FBXL7: variants seen among roughly 807,000 people sequenced by gnomAD.
The protein encoded by FBXL7 is F-box/LRR-repeat protein 7.
Under a neutral mutation model 38.3 loss-of-function variants are expected in FBXL7, and 12 were observed. That is an observed-to-expected ratio of 0.31 (90% confidence interval 0.20 to 0.51). The LOEUF is 0.51. Ranked by LOEUF, FBXL7 falls within the 20% of genes least tolerant of loss-of-function variation. The pLI, the probability that FBXL7 is intolerant of heterozygous loss-of-function variation, is 0.98. For missense variants in FBXL7, 567 were observed against 676.4 expected (o/e 0.84, Z 1.79); for synonymous variants, 297 against 300.9 (o/e 0.99, Z 0.13).
intron 2 of FBXL7, among the ~76,000 whole-genome samples, chr5:15,813,896 A>C (rs967016949): frequency 3.3e-5 from 5 of 152,234 alleles, no homozygotes; most frequent in African/African-American, 4.8e-5. Context: ...CACACCAGTT[A>C]GAATGGCAAT....
intron 1 of FBXL7, among the ~76,000 whole-genome samples, chr5:15,530,771 G>A (rs947447144): frequency 4.6e-5 from 7 of 152,186 alleles, no homozygotes; most frequent in Non-Finnish European, 1.0e-4. Context: ...ACAATGATGT[G>A]TGACAACATG....
At chr5:15,888,251 G>A (rs978281514) in intron 2 of FBXL7, among the ~76,000 whole-genome samples, 1 of 147,284 alleles carries the variant, frequency 6.8e-6, no homozygotes, top group African/African-American at 2.5e-5. Context: ...TTTTTGAGAT[G>A]GAGTTTCGCT....
intron 1 of FBXL7, among the ~76,000 whole-genome samples, chr5:15,541,669 C>T (rs1386828719): frequency 1.3e-5 from 2 of 150,412 alleles, no homozygotes; most frequent in Admixed American, 1.3e-4. Flanking sequence ...CTCAGCCTCC[C>T]AAGTAGCTGG....
chr5:15,740,546 A>G (rs1317864441), intron 2 of FBXL7, among the ~76,000 whole-genome samples: 8 of 152,216 alleles, frequency 5.3e-5, no homozygotes, highest in African/African-American at 9.6e-5. Flanking sequence ...ATTTGATGCA[A>G]CTGGCTCCTT....
At chr5:15,680,971 T>A (rs1742827271) in intron 2 of FBXL7, among the ~76,000 whole-genome samples, 2 of 152,152 alleles carry the variant, frequency 1.3e-5, no homozygotes, top group Admixed American at 1.3e-4. Context: ...AATTACAAAA[T>A]GATGACTATC....
chr5:15,603,386 T>C (rs796208246), intron 1 of FBXL7, among the ~76,000 whole-genome samples: 28 of 152,376 alleles, frequency 1.8e-4, no homozygotes, highest in African/African-American at 6.7e-4. Context: ...TCATTTTTTT[T>C]CTCATGATAC....
At chr5:15,829,168 T>C (rs1466376036) in intron 2 of FBXL7, among the ~76,000 whole-genome samples, 1 of 152,192 alleles carries the variant, frequency 6.6e-6, no homozygotes, top group African/African-American at 2.4e-5. Flanking sequence ...TCTTATTTAA[T>C]AGTGACCCTG....
Position 15,651,540 on chromosome 5 carries a change from A to G in FBXL7, c.127+35468A>G, listed in dbSNP as rs926964381. Reference sequence around the variant, plus strand: ...CTCTTGGATGACCAGATGCATTGTCAGTGAACGGTAATATTTTCAAAGGAA... The same window carrying G: ...CTCTTGGATGACCAGATGCATTGTCGGTGAACGGTAATATTTTCAAAGGAA... On this transcript the variant is annotated intron_variant, in intron 2 of 3. Coordinates refer to ENST00000504595, the MANE Select transcript of FBXL7 (RefSeq NM_012304.5). Among the ~76,000 whole-genome samples the G allele has an allele frequency of 3.3e-5, 5 of 152,372 alleles. No individual in the cohort carries two copies. In the South Asian group the frequency reaches 6.2e-4, roughly 19 times the overall value.
At chr5:15,807,779 T>G (rs1000706794) in intron 2 of FBXL7, among the ~76,000 whole-genome samples, 2 of 152,072 alleles carry the variant, frequency 1.3e-5, no homozygotes, top group Admixed American at 6.5e-5. Flanking sequence ...CTTCTTCTAA[T>G]CGCAAATTAC....
At chr5:15,722,817 G>A (rs1011119577) in intron 2 of FBXL7, among the ~76,000 whole-genome samples, 1 of 151,966 alleles carries the variant, frequency 6.6e-6, no homozygotes, top group Non-Finnish European at 1.5e-5. Context: ...CAGCTACTCG[G>A]AAGGCTGAGG....
chr5:15,674,084 A>G (rs953691971), intron 2 of FBXL7, among the ~76,000 whole-genome samples: 4 of 152,184 alleles, frequency 2.6e-5, no homozygotes, highest in African/African-American at 9.7e-5. Flanking sequence ...ACTACTTACC[A>G]TGTGGTATCA....
At chr5:15,717,683 T>G (rs1744080544) in intron 2 of FBXL7, among the ~76,000 whole-genome samples, 1 of 152,198 alleles carries the variant, frequency 6.6e-6, no homozygotes, top group Admixed American at 6.5e-5. Context: ...AAAACATTGC[T>G]GTGTTGTATA....
intron 1 of FBXL7, among the ~76,000 whole-genome samples, chr5:15,502,381 T>C (rs1736520069): frequency 6.6e-6 from 1 of 151,848 alleles, no homozygotes; most frequent in Non-Finnish European, 1.5e-5. Flanking sequence ...TTTTCAACCC[T>C]TGGGAGAGAA....
At chr5:15,686,295 T>C (rs942430909) in intron 2 of FBXL7, among the ~76,000 whole-genome samples, 2 of 152,216 alleles carry the variant, frequency 1.3e-5, no homozygotes, top group African/African-American at 4.8e-5. Flanking sequence ...AATAAATTTA[T>C]CTTTTTGTTT....
intron 2 of FBXL7, among the ~76,000 whole-genome samples, chr5:15,788,651 A>G (rs58804518): frequency 0.065 from 9,697 of 149,652 alleles, 329 homozygotes; most frequent in East Asian, 0.1. Flanking sequence ...TCTGTACGTC[A>G]CTCACTCCAA....
intron 2 of FBXL7, among the ~76,000 whole-genome samples, chr5:15,751,763 G>A (rs12515445): frequency 0.054 from 8,177 of 152,228 alleles, 240 homozygotes; most frequent in East Asian, 0.1. Context: ...ATGCATTTGC[G>A]TTTGGTGTTT....
intron 2 of FBXL7, among the ~76,000 whole-genome samples, chr5:15,866,496 AT>A (rs1272984263): frequency 1.3e-5 from 2 of 151,770 alleles, no homozygotes; most frequent in African/African-American, 2.4e-5. Flanking sequence ...TTGTTCCTGT[AT>A]TTTTTCCTTT....
chr5:15,708,754 G>A (rs1465133508), intron 2 of FBXL7, among the ~76,000 whole-genome samples: 2 of 152,160 alleles, frequency 1.3e-5, no homozygotes, highest in African/African-American at 2.4e-5. Context: ...GATCCAAGTT[G>A]TGTCTTTTTC....
At chr5:15,535,266 C>T (rs1737552894) in intron 1 of FBXL7, among the ~76,000 whole-genome samples, 1 of 152,140 alleles carries the variant, frequency 6.6e-6, no homozygotes, top group South Asian at 2.1e-4. Context: ...GAATGGGGTA[C>T]TGCTATAAAG....
Sources: gnomAD v4.1 joint callset for allele counts (sites outside exome capture counted in the v4.1 genomes callset) on GRCh38, gnomAD v4.1.1 for gene constraint, MANE v1.5 for transcripts, NCBI Gene and HGNC (gene_info 2026-07-23, HGNC 2026-07-21) for gene names.